The following EZR variants were observed in gnomAD, a reference collection of about 807,000 sequenced individuals.
EZR encodes the protein ezrin.
A neutral mutation model predicts 74.8 loss-of-function variants in EZR; 40 were observed. That is an observed-to-expected ratio of 0.53 (90% confidence interval 0.42 to 0.70). The LOEUF (loss-of-function observed/expected upper bound fraction) is 0.70. EZR is among the 30% of genes least tolerant of loss of function. EZR has a pLI of 0.00. For missense variants in EZR, 678 were observed against 755.8 expected (o/e 0.90, Z 1.21); for synonymous variants, 341 against 283.3 (o/e 1.20, Z -2.05).
chr6:158,797,230 G>A (rs1013964315), intron 2 of EZR, among the ~76,000 whole-genome samples: 3 of 152,150 alleles, frequency 2.0e-5, no homozygotes, highest in Middle Eastern at 3.2e-3. Flanking sequence ...CATTACAGGA[G>A]AGCAACCCTT....
chr6:158,801,886 G>A (rs1446641225), intron 2 of EZR, among the ~76,000 whole-genome samples: 1 of 152,214 alleles, frequency 6.6e-6, no homozygotes, highest in African/African-American at 2.4e-5. Flanking sequence ...AGTGTTAGCT[G>A]CTGTGGGACG....
chr6:158,773,343 G>A (rs557042552), intron 8 of EZR, among the ~76,000 whole-genome samples: 1 of 152,158 alleles, frequency 6.6e-6, no homozygotes, highest in Non-Finnish European at 1.5e-5. Context: ...ATGGTGCCTG[G>A]CAGGAAATCT....
intron 7 of EZR, among the ~76,000 whole-genome samples, chr6:158,781,803 A>T (rs912318149): frequency 6.6e-6 from 1 of 151,728 alleles, no homozygotes; most frequent in Non-Finnish European, 1.5e-5. Flanking sequence ...TCGCTCTGTC[A>T]CCCAGGCTAG....
At chr6:158,782,420 TGA>T (rs1791456785) in intron 7 of EZR, among the ~76,000 whole-genome samples, 1 of 152,146 alleles carries the variant, frequency 6.6e-6, no homozygotes, top group African/African-American at 2.4e-5. Context: ...CAAAAATATC[TGA>T]GAACAGATGA....
chr6:158,768,565 G>A (rs918919822), intron 12 of EZR, among the ~76,000 whole-genome samples: 1 of 152,270 alleles, frequency 6.6e-6, no homozygotes, highest in South Asian at 2.1e-4. Flanking sequence ...TGAAGGAGAG[G>A]AGCTGCTTAA....
At chr6:158,795,857 G>A (rs576490361) in intron 2 of EZR, among the ~76,000 whole-genome samples, 1 of 152,234 alleles carries the variant, frequency 6.6e-6, no homozygotes, top group Admixed American at 6.5e-5. Flanking sequence ...ACGGGAGACA[G>A]AGGGCCTGGG....
At position 158,799,055 on chromosome 6, in the gene EZR, G is replaced by A. The variant is rs898584129; in HGVS notation, c.13-9684C>T. On this transcript the variant is annotated intron_variant, in intron 2 of 13. Coordinates refer to ENST00000367075, the MANE Select transcript of EZR (RefSeq NM_001111077.2). ...ATCTCTCTCCCCCAGCCCTATTCACGGCTGCTCACAAAAACATGACAATAC... is the reference window on the plus strand; with the variant it reads ...ATCTCTCTCCCCCAGCCCTATTCACAGCTGCTCACAAAAACATGACAATAC... Among the ~76,000 whole-genome samples, 20 of 151,958 alleles carry A rather than the reference G, an allele frequency of 1.3e-4. No individual in the cohort carries two copies. In the East Asian group the frequency reaches 1.9e-3, roughly 15 times the overall value.
At chr6:158,794,291 CCACCAGCACTACCACCAG>C (rs1440039505) in intron 2 of EZR, among the ~76,000 whole-genome samples, 3 of 152,218 alleles carry the variant, frequency 2.0e-5, no homozygotes, top group African/African-American at 7.2e-5. Context: ...ACCACAACCA[CCACCAGCACTACCACCAG>C]CACCAGCACC....
At chr6:158,812,874 C>A (rs1215539244) in intron 2 of EZR, among the ~76,000 whole-genome samples, 1 of 152,144 alleles carries the variant, frequency 6.6e-6, no homozygotes, top group East Asian at 1.9e-4. Context: ...CATCACCAGG[C>A]ACTATCAATT....
At chr6:158,776,823 C>A (rs539727746) in intron 7 of EZR, among the ~76,000 whole-genome samples, 1 of 152,170 alleles carries the variant, frequency 6.6e-6, no homozygotes. Context: ...GACCCTCCCC[C>A]TCAGGTATCT....
chr6:158,809,247 A>T (rs1777404188), intron 2 of EZR, among the ~76,000 whole-genome samples: 1 of 152,222 alleles, frequency 6.6e-6, no homozygotes, highest in Non-Finnish European at 1.5e-5. Flanking sequence ...GCTGTACTTT[A>T]GACAGGGTGT....
At chr6:158,779,287 G>A (rs1191916063) in intron 7 of EZR, among the ~76,000 whole-genome samples, 1 of 152,074 alleles carries the variant, frequency 6.6e-6, no homozygotes, top group African/African-American at 2.4e-5. Flanking sequence ...AAATACCAAG[G>A]TCATGACAAA....
chr6:158,805,783 T>G (rs2128575547), intron 2 of EZR, among the ~76,000 whole-genome samples: 1 of 152,336 alleles, frequency 6.6e-6, no homozygotes, highest in African/African-American at 2.4e-5. Context: ...ACATCATTAC[T>G]TGACTGGAAA....
intron 2 of EZR, among the ~76,000 whole-genome samples, chr6:158,799,916 T>C (rs1414456266): frequency 6.6e-6 from 1 of 152,246 alleles, no homozygotes; most frequent in African/African-American, 2.4e-5. Context: ...CGAACATCTT[T>C]CTTACATGAA....
At chr6:158,814,982 T>C (rs912975489) in intron 2 of EZR, among the ~76,000 whole-genome samples, 2 of 152,198 alleles carry the variant, frequency 1.3e-5, no homozygotes, top group African/African-American at 4.8e-5. Flanking sequence ...ACTTTGCCCG[T>C]TGAATTCAAG....
chr6:158,818,243 G>A (rs561056224), intron 1 of EZR, 77 bp from the exon 2 acceptor site: 6 of 733,924 alleles, frequency 8.2e-6, no homozygotes, highest in Admixed American at 5.7e-5. Flanking sequence ...CTCGGCGCCC[G>A]CAGCGCGCTG....
At chr6:158,787,612 C>T (rs1359817050) in intron 3 of EZR, among the ~76,000 whole-genome samples, 1 of 152,166 alleles carries the variant, frequency 6.6e-6, no homozygotes, top group Non-Finnish European at 1.5e-5. Context: ...TGTGCTCATG[C>T]AGAAGACTAA....
chr6:158,766,786 G>A lies in EZR; in HGVS notation c.*128C>T. On this transcript the variant is annotated 3_prime_UTR_variant, in exon 14 of 14. Transcript: ENST00000367075. ...TTCCCAGCCCAGAATGTTTCTGTTG[G>A]GTAACTGCTTTCTAAAGGAACTGGG... 4 of 967,814 alleles carry A rather than the reference G, an allele frequency of 4.1e-6. No homozygotes were observed. The South Asian group carries it at 6.2e-5, about 15-fold the overall frequency. The allele number at this position is 967,814 out of a possible 1,614,324, so 60.0% of individuals were successfully genotyped here. A position where few individuals can be genotyped will look rare whatever the true frequency, so the allele number is the denominator to read the frequency against.
chr6:158,796,857 A>C (rs963522854), intron 2 of EZR, among the ~76,000 whole-genome samples: 5 of 152,200 alleles, frequency 3.3e-5, no homozygotes, highest in Non-Finnish European at 7.3e-5. Flanking sequence ...GATTTTTCAG[A>C]ATATAGTTGG....
Sources: gnomAD v4.1 joint callset for allele counts (sites outside exome capture counted in the v4.1 genomes callset) on GRCh38, gnomAD v4.1.1 for gene constraint, MANE v1.5 for transcripts, NCBI Gene and HGNC (gene_info 2026-07-23, HGNC 2026-07-21) for gene names.